The following TCF4 variants were observed in gnomAD, a reference collection of about 807,000 sequenced individuals.
TCF4 encodes the protein SL3-3 enhancer factor 2.
A neutral mutation model predicts 82.1 loss-of-function variants in TCF4; 3 were observed. The ratio of observed to expected loss-of-function variants is 0.04; its 90% confidence interval spans 0.02 to 0.09. TCF4 has a LOEUF of 0.09. Among genes scored for constraint, TCF4 ranks in the 10% least tolerant of loss-of-function variants. The probability of loss-of-function intolerance (pLI) is 1.00; values close to 1 mark genes in which losing one functional copy is unlikely to be tolerated. For missense variants in TCF4, 518 were observed against 852.7 expected (o/e 0.61, Z 4.89); for synonymous variants, 276 against 309.6 (o/e 0.89, Z 1.14).
At chr18:55,333,854 G>A (rs1569054016) in intron 8 of TCF4, among the ~76,000 whole-genome samples, 1 of 152,184 alleles carries the variant, frequency 6.6e-6, no homozygotes, top group Non-Finnish European at 1.5e-5. Context: ...GTGCAAAGTA[G>A]TTTCAATGAA....
At chr18:55,303,810 A>G (rs902715121) in intron 8 of TCF4, among the ~76,000 whole-genome samples, 1 of 152,220 alleles carries the variant, frequency 6.6e-6, no homozygotes, top group Non-Finnish European at 1.5e-5. Context: ...AAGATTTAAT[A>G]AAAATTAATC....
intron 3 of TCF4, among the ~76,000 whole-genome samples, chr18:55,553,769 C>T (rs779921135): frequency 5.1e-4 from 77 of 152,098 alleles, no homozygotes; most frequent in Non-Finnish European, 9.6e-4. Context: ...GACTTAAAAA[C>T]TGTATTAAAT....
At chr18:55,521,553 G>A (rs962602102) in intron 3 of TCF4, among the ~76,000 whole-genome samples, 7 of 152,028 alleles carry the variant, frequency 4.6e-5, no homozygotes, top group African/African-American at 9.7e-5. Context: ...CAGAACTGTC[G>A]GCTTACTCTC....
intron 8 of TCF4, among the ~76,000 whole-genome samples, chr18:55,349,914 C>T (rs2144749350): frequency 6.6e-6 from 1 of 152,252 alleles, no homozygotes; most frequent in Middle Eastern, 3.4e-3. Context: ...GCAACCTCTC[C>T]AGAAAATAGA....
chr18:55,558,578 C>T (rs1054693406), intron 3 of TCF4, among the ~76,000 whole-genome samples: 1 of 152,120 alleles, frequency 6.6e-6, no homozygotes, highest in African/African-American at 2.4e-5. Context: ...AAATTAACAA[C>T]ACTAGAGTCA....
intron 6 of TCF4, among the ~76,000 whole-genome samples, chr18:55,383,619 A>G (rs192989564): frequency 6.6e-6 from 1 of 152,338 alleles, no homozygotes; most frequent in African/African-American, 2.4e-5. Flanking sequence ...CAATCTACCC[A>G]TCACAAAGTC....
intron 8 of TCF4, among the ~76,000 whole-genome samples, chr18:55,311,263 A>T (rs2072327281): frequency 6.6e-6 from 1 of 152,372 alleles, no homozygotes; most frequent in East Asian, 1.9e-4. Context: ...TATGGAACTT[A>T]TTATGACATT....
intron 3 of TCF4, among the ~76,000 whole-genome samples, chr18:55,535,693 C>T (rs189455700): frequency 6.6e-6 from 1 of 152,172 alleles, no homozygotes; most frequent in African/African-American, 2.4e-5. Flanking sequence ...CTAATTGAAA[C>T]AGAAATAAAA....
At chr18:55,236,073 G>A (rs917686793) in intron 15 of TCF4, among the ~76,000 whole-genome samples, 1 of 70,658 alleles carries the variant, frequency 1.4e-5, no homozygotes, top group Non-Finnish European at 2.9e-5. Flanking sequence ...GTGTGCATGT[G>A]TGTGTGTGTG....
chr18:55,275,543 A>G (rs1371789660), intron 10 of TCF4, 76 bp downstream of exon 10: 2 of 1,590,156 alleles, frequency 1.3e-6, no homozygotes, highest in East Asian at 4.5e-5. Flanking sequence ...GTCCTTGTGT[A>G]TATGCATGGA....
intron 6 of TCF4, among the ~76,000 whole-genome samples, chr18:55,387,716 A>G (rs1056016644): frequency 6.6e-6 from 1 of 152,216 alleles, no homozygotes; most frequent in African/African-American, 2.4e-5. Context: ...AAAACTCAGT[A>G]TTTACAAGCA....
At chr18:55,635,864 C>G in exon 1 of TCF4, 1 of 1,567,286 alleles carries the variant, frequency 6.4e-7, no homozygotes, top group Non-Finnish European at 8.7e-7. Context: ...AGGAGAGGCA[C>G]CTGTGGTATT....
At chr18:55,346,435 G>A (rs1400216364) in intron 8 of TCF4, among the ~76,000 whole-genome samples, 2 of 152,124 alleles carry the variant, frequency 1.3e-5, no homozygotes, top group Non-Finnish European at 2.9e-5. Flanking sequence ...GTCCTCCTGA[G>A]TTTTAAAACA....
intron 5 of TCF4, among the ~76,000 whole-genome samples, chr18:55,444,956 A>G (rs2095500736): frequency 6.6e-6 from 1 of 151,998 alleles, no homozygotes; most frequent in South Asian, 2.1e-4. Context: ...AAGTCCAACC[A>G]TTTCCATCAT....
At chr18:55,267,423 C>T (rs2145892696) in intron 11 of TCF4, 1 of 152,190 alleles carries the variant, frequency 6.6e-6, no homozygotes, top group Non-Finnish European at 1.5e-5. Flanking sequence ...GACACGCTGC[C>T]ATCACTGACT....
In TCF4 at chr18:55,327,772, A is replaced by T. The variant is rs867156348; in HGVS notation, c.549+22587T>A. On this transcript the variant is annotated intron_variant, in intron 8 of 19. Transcript: ENST00000354452. ...ACTATTTCCCTTTAGAAGAAAGAAG[A>T]GACTTCTCATTTTGCTTTATGTGGC... Among the ~76,000 whole-genome samples, 8 of 152,294 alleles carry T rather than the reference A, an allele frequency of 5.3e-5. No individual in the cohort carries two copies. The South Asian group carries it at 6.2e-4, about 12-fold the overall frequency.
At chr18:55,478,314 C>T (rs1751647408) in intron 3 of TCF4, among the ~76,000 whole-genome samples, 1 of 152,174 alleles carries the variant, frequency 6.6e-6, no homozygotes, top group Non-Finnish European at 1.5e-5. Flanking sequence ...GGGAAAATAG[C>T]CACTAAGCCA....
intron 8 of TCF4, among the ~76,000 whole-genome samples, chr18:55,330,906 GTCTAAA>G (rs1327376305): frequency 6.6e-6 from 1 of 152,108 alleles, no homozygotes; most frequent in Non-Finnish European, 1.5e-5. Flanking sequence ...TTCTAGCTTT[GTCTAAA>G]TCTGTTTCCT....
upstream of TCF4, among the ~76,000 whole-genome samples, chr18:55,590,490 C>G (rs756621601): frequency 6.6e-6 from 1 of 152,250 alleles, no homozygotes; most frequent in Non-Finnish European, 1.5e-5. Context: ...CAACCCATTT[C>G]TGGCCAAGCA....
Sources: allele counts gnomAD v4.1 joint callset (sites outside exome capture counted in the v4.1 genomes callset), GRCh38; gene constraint gnomAD v4.1.1; transcripts MANE v1.5; gene names NCBI Gene and HGNC (gene_info 2026-07-23, HGNC 2026-07-21).